Variants in SLC6A17 observed in about 807,000 individuals in gnomAD.
SLC6A17 encodes solute carrier family 6 member 17, also known as sodium-dependent neutral amino acid transporter SLC6A17.
A neutral mutation model predicts 64.5 loss-of-function variants in SLC6A17; 21 were observed. The ratio of observed to expected loss-of-function variants is 0.33; its 90% CI spans 0.23 to 0.47. The LOEUF (loss-of-function observed/expected upper bound fraction) is 0.47. Ranked by LOEUF, SLC6A17 falls within the 20% of genes least tolerant of loss-of-function variation. The pLI, the probability that SLC6A17 is intolerant of heterozygous loss-of-function variation, is 1.00. For missense variants in SLC6A17, 682 were observed against 963.2 expected, an observed-to-expected ratio of 0.71 and a Z score of 3.86; for synonymous variants, 372 against 399.5, an observed-to-expected ratio of 0.93 and a Z score of 0.82.
intron 1 of SLC6A17, among the ~76,000 whole-genome samples, chr1:110,163,295 A>G (rs1301220874): frequency 2.0e-5 from 3 of 152,046 alleles, no homozygotes; most frequent in Admixed American, 2.0e-4. Flanking sequence ...GTGGTGCAGG[A>G]TGCTTCTCTC....
intron 8 of SLC6A17, among the ~76,000 whole-genome samples, chr1:110,193,746 C>T (rs1656888625): frequency 6.6e-6 from 1 of 152,248 alleles, no homozygotes; most frequent in Non-Finnish European, 1.5e-5. Context: ...GCATAAAGGA[C>T]CTCCCCTTTT....
intron 10 of SLC6A17, among the ~76,000 whole-genome samples, chr1:110,196,040 G>A (rs769969706): frequency 1.4e-4 from 22 of 152,136 alleles, no homozygotes; most frequent in Non-Finnish European, 1.5e-5. Context: ...TTTTGTGAAG[G>A]GCTTAGTGGG....
intron 9 of SLC6A17, 111 bp downstream of exon 9, chr1:110,194,882 C>A: frequency 7.5e-7 from 1 of 1,330,464 alleles, no homozygotes; most frequent in Non-Finnish European, 1.0e-6. Context: ...GAAGGCTCCA[C>A]CCCACACTGG....
intron 6 of SLC6A17, among the ~76,000 whole-genome samples, chr1:110,181,881 G>T (rs1189972228): frequency 2.0e-5 from 3 of 152,180 alleles, no homozygotes; most frequent in Non-Finnish European, 4.4e-5. Context: ...TAGGACGTAT[G>T]GTCGGTAGTA....
At chr1:110,191,293 A>G (rs1301147081) in intron 6 of SLC6A17, among the ~76,000 whole-genome samples, 1 of 152,132 alleles carries the variant, frequency 6.6e-6, no homozygotes, top group Non-Finnish European at 1.5e-5. Flanking sequence ...CAATAAAAGG[A>G]AAATAGGTTG....
Position 110,175,067 on chromosome 1 carries a change from G to T in SLC6A17, c.753+107G>T, listed in dbSNP as rs552706330. On this transcript the variant is annotated intron_variant, in intron 5 of 11. Transcript: ENST00000331565. ...TGCCCTTTGCAGGGTCTTCTGGGTG[G>T]ATAACACAGGCCCCCAGAGGAGGGT... 107 of 1,337,988 alleles carry T rather than the reference G, an allele frequency of 8.0e-5. 3 individuals carry two copies. In the South Asian group the frequency reaches 1.5e-3, roughly 18 times the overall value. 82.9% of individuals were successfully genotyped at this position (1,337,988 alleles called of 1,614,324 possible).
intron 1 of SLC6A17, among the ~76,000 whole-genome samples, chr1:110,165,492 G>A (rs538344516): frequency 6.6e-6 from 1 of 152,214 alleles, no homozygotes; most frequent in East Asian, 1.9e-4. Context: ...AAGACTCACT[G>A]TTCCCTTGGA....
chr1:110,156,549 C>T (rs1245322947), intron 1 of SLC6A17, among the ~76,000 whole-genome samples: 1 of 152,118 alleles, frequency 6.6e-6, no homozygotes, highest in African/African-American at 2.4e-5. Context: ...TGGTAGATGA[C>T]AGTCTGAATC....
At chr1:110,163,868 G>A (rs1655980526) in intron 1 of SLC6A17, among the ~76,000 whole-genome samples, 1 of 152,076 alleles carries the variant, frequency 6.6e-6, no homozygotes, top group Admixed American at 6.5e-5. Flanking sequence ...TCACGCCTCT[G>A]CTCAAATGTC....
chr1:110,167,100 A>G lies in SLC6A17; in HGVS notation c.171A>G (p.Ala57=). 1.9e-6 allele frequency: 3 copies of G among 1,612,642 alleles called. No homozygotes were observed. The highest frequency in any genetic ancestry group is 2.2e-5 in the South Asian group (2 of 90,838). Reference sequence around the variant, plus strand: ...AGGCGGTGGAGGAGGAGCTGGATGCAGAGGACCGGCCGGCCTGGAACAGTA... The same window carrying G: ...AGGCGGTGGAGGAGGAGCTGGATGCGGAGGACCGGCCGGCCTGGAACAGTA... ...KQKAVEEELD[A]EDRPAWNSKL... is the part of the protein sequence containing the mutation. The change falls in exon 2 of 12, where the codon GCA becomes GCG. Residue 57 remains alanine (A), a synonymous_variant. Transcript: ENST00000331565.
In SLC6A17 at chr1:110,167,038, G is replaced by A. The variant is rs1656081609; in HGVS notation, c.109G>A (p.Val37Ile). The A allele has an allele frequency of 3.7e-6, 6 of 1,612,706 alleles. No individual in the cohort carries two copies. Among genetic ancestry groups the A allele is most frequent in the Non-Finnish European group, 5.1e-6 (6 of 1,179,482 alleles). The change falls in exon 2 of 12, where the codon GTA becomes ATA. Residue 37 changes from valine (V) to isoleucine (I), a missense_variant. By Grantham distance (29) the Val-to-Ile change is conservative (BLOSUM62 3). Around this residue, in one of 3 missense-constraint regions of SLC6A17, gnomAD observed 415 missense variants for 603.8 expected, o/e 0.69. Transcript: ENST00000331565. ...LEEPVDYKQSVLNVAGEAGGK... is the reference protein window; with the variant it reads ...LEEPVDYKQSILNVAGEAGGK... ...GGAGCCTGTGGACTATAAGCAGAGT[G>A]TACTGAATGTGGCTGGTGAGGCAGG...
intron 1 of SLC6A17, among the ~76,000 whole-genome samples, chr1:110,159,653 T>G (rs60970016): frequency 0.018 from 2,719 of 152,162 alleles, 84 homozygotes; most frequent in African/African-American, 0.063. Context: ...GTCTACAAAG[T>G]AGGGAAGGTA....
At chr1:110,151,002 CG>C (rs1655583921) in intron 1 of SLC6A17, 119 bp downstream of exon 1, 1 of 152,264 alleles carries the variant, frequency 6.6e-6, no homozygotes, top group African/African-American at 2.4e-5. Context: ...GCGCTGCCCC[CG>C]CATCCGCCCG....
In SLC6A17 at chr1:110,192,563, C is replaced by T. The variant is rs767977704; in HGVS notation, c.1164C>T (p.Ile388=). The change falls in exon 8 of 12, where the codon ATC becomes ATT. Residue 388 remains isoleucine, a synonymous_variant. Coordinates refer to ENST00000331565, the MANE Select transcript of SLC6A17 (RefSeq NM_001010898.4). The surrounding 1 kb of genome is among the most constrained non-coding windows in gnomAD (Gnocchi z 4.3). ...CCAACGTCCTGAGCCGGGACCTCAT[C>T]CCACCCCACGTCAACTTCTCCCACC... ...LNTNVLSRDL[I]PPHVNFSHLT... The T allele has an allele frequency of 2.5e-6, 4 of 1,614,054 alleles. No homozygotes were observed. The African/African-American group carries it at 4.0e-5, about 16-fold the overall frequency.
At chr1:110,157,341 G>A (rs755103475) in intron 1 of SLC6A17, among the ~76,000 whole-genome samples, 4 of 152,154 alleles carry the variant, frequency 2.6e-5, no homozygotes, top group Admixed American at 1.3e-4. Context: ...TTGGGAGGCC[G>A]AGGGAGGTAA....
rs140799489 is a variant in SLC6A17 at position 110,182,889 on chromosome 1, C to T, written c.864+6150C>T. Among the ~76,000 whole-genome samples, 22 of 152,144 alleles carry T rather than the reference C, an allele frequency of 1.4e-4. No homozygotes were observed. In the East Asian group the frequency reaches 3.9e-3, roughly 27 times the overall value. On this transcript the variant is annotated intron_variant, in intron 6 of 11. Transcript: ENST00000331565. ...AGGAATTGGAGACAAGTAATAGATACCAGTTATTCTCAGGAGTTTTGCGAT... is the reference window on the plus strand; with the variant it reads ...AGGAATTGGAGACAAGTAATAGATATCAGTTATTCTCAGGAGTTTTGCGAT...
At chr1:110,197,731 C>T (rs1052935313) in intron 11 of SLC6A17, 132 bp downstream of exon 11, 55 of 1,054,882 alleles carry the variant, frequency 5.2e-5, no homozygotes, top group East Asian at 1.3e-4. Context: ...ACACCTAAAC[C>T]GCAATCTTAC....
chr1:110,160,758 G>A (rs751023336), intron 1 of SLC6A17, among the ~76,000 whole-genome samples: 1 of 152,194 alleles, frequency 6.6e-6, no homozygotes, highest in Non-Finnish European at 1.5e-5. Flanking sequence ...TGAGTGGGCT[G>A]GGAGGAAGTG....
chr1:110,186,069 T>G (rs1349540890), intron 6 of SLC6A17, among the ~76,000 whole-genome samples: 2 of 152,246 alleles, frequency 1.3e-5, no homozygotes, highest in Non-Finnish European at 2.9e-5. Context: ...TTACACTATC[T>G]TCTCTGCCTT....
Sources: allele counts gnomAD v4.1 joint callset (sites outside exome capture counted in the v4.1 genomes callset), GRCh38; gene constraint gnomAD v4.1.1; regional missense constraint gnomAD v4.1.1; non-coding constraint Gnocchi (gnomAD v3.1); transcripts MANE v1.5; gene names NCBI Gene and HGNC (gene_info 2026-07-23, HGNC 2026-07-21).